The following AREG variants were observed in gnomAD, a reference collection of about 807,000 sequenced individuals.
AREG encodes amphiregulin, also known as amphiregulin B.
Under a neutral mutation model 28.0 loss-of-function variants are expected in AREG, and 16 were observed. The ratio of observed to expected loss-of-function variants is 0.57; its 90% CI spans 0.39 to 0.87. AREG has a LOEUF of 0.87. AREG is among the 40% of genes least tolerant of loss of function. The probability of loss-of-function intolerance (pLI) is 0.00; values close to 1 mark genes in which losing one functional copy is unlikely to be tolerated. For missense variants in AREG, 287 were observed against 309.1 expected, an observed-to-expected ratio of 0.93 and a Z score of 0.53; for synonymous variants, 113 against 113.5, an observed-to-expected ratio of 1.00 and a Z score of 0.02.
rs887536156 is a variant in AREG, at chr4:74,446,605, A to C, written c.133A>C (p.Ser45Arg). The C allele has an allele frequency of 2.5e-6, 4 of 1,613,862 alleles. No individual in the cohort carries two copies. The African/African-American group carries it at 5.3e-5, about 22-fold the overall frequency. The change falls in exon 2 of 6, where the codon AGT becomes CGT. Residue 45 changes from serine to arginine, a missense_variant. Transcript: ENST00000395748. ...GCGTGAACCATTTTCTGGGGACCAC[A>C]GTGCTGATGGATTTGAGGTTACCTC... ...GKREPFSGDH[S>R]ADGFEVTSRS...
At chr4:74,454,701 G>A in intron 5 of AREG, 58 bp from the exon 6 acceptor site, 1 of 636,880 alleles carries the variant, frequency 1.6e-6, no homozygotes, top group African/African-American at 1.8e-5. Context: ...CTGGAATTGA[G>A]CTTATCTGTA....
chr4:74,446,869 ATTTTCTAGTGGCT>A, intron 2 of AREG, 87 bp downstream of exon 2: 2 of 1,603,402 alleles, frequency 1.2e-6, no homozygotes, highest in Non-Finnish European at 1.7e-6. Context: ...TGCTCCCCAG[ATTTTCTAGTGGCT>A]TTATTGTATA....
Position 74,449,182 on chromosome 4 carries a change from A to G in AREG, c.446A>G (p.Glu149Gly). The G allele has an allele frequency of 6.2e-7, 1 of 1,613,290 alleles. No individual in the cohort carries two copies. The highest frequency in any genetic ancestry group is 1.1e-5 in the South Asian group (1 of 90,934). Reference sequence around the variant, plus strand: ...AAGAAGAAAAATCCATGTAATGCAGAATTTCAAAATTTCTGCATTCACGGA... The same window carrying G: ...AAGAAGAAAAATCCATGTAATGCAGGATTTCAAAATTTCTGCATTCACGGA... The part of the protein sequence containing the change: ...NRKKKNPCNA[E>G]FQNFCIHGEC... Residue 149 changes from glutamate (E) to glycine (G), a missense_variant, in exon 3 of 6, where the codon GAA (glutamate) becomes GGA (glycine). By Grantham distance (98) the Glu-to-Gly change is moderately conservative. Transcript: ENST00000395748.
At chr4:74,451,087 A>G (rs1392661843) in intron 4 of AREG, among the ~76,000 whole-genome samples, 2 of 152,250 alleles carry the variant, frequency 1.3e-5, no homozygotes, top group African/African-American at 4.8e-5. Context: ...ACTATCGAAT[A>G]TGAGAACTCA....
chr4:74,447,865 A>T (rs1719318386), intron 2 of AREG, among the ~76,000 whole-genome samples: 1 of 152,182 alleles, frequency 6.6e-6, no homozygotes, highest in South Asian at 2.1e-4. Context: ...GAGGTGGGTA[A>T]GGGGTTCATT....
intron 4 of AREG, 148 bp from the exon 5 acceptor site, chr4:74,452,396 T>C: frequency 9.4e-6 from 8 of 849,916 alleles, no homozygotes; most frequent in Non-Finnish European, 1.5e-5. Flanking sequence ...GGTAATATTT[T>C]ATAGCCAGGT....
chr4:74,445,963 G>A (rs1419481581), intron 1 of AREG, among the ~76,000 whole-genome samples: 1 of 152,082 alleles, frequency 6.6e-6, no homozygotes, highest in East Asian at 1.9e-4. Context: ...TAATAATAAT[G>A]ATAATGAAAA....
At chr4:74,447,767 G>T (rs1719317181) in intron 2 of AREG, among the ~76,000 whole-genome samples, 1 of 152,126 alleles carries the variant, frequency 6.6e-6, no homozygotes, top group African/African-American at 2.4e-5. Context: ...GGTACCAGAG[G>T]GACAGTGACT....
chr4:74,452,523 A>C, intron 4 of AREG, 21 bp from the exon 5 acceptor site: 1 of 1,613,260 alleles, frequency 6.2e-7, no homozygotes, highest in Non-Finnish European at 8.5e-7. Context: ...TGATAACATT[A>C]GAATGCCTTG....
In AREG at chr4:74,446,741, A is replaced by G. The variant is rs1395993833; in HGVS notation, c.269A>G (p.Glu90Gly). ...GACTACTCAGAAGAGTATGATAACGAACCACAAATACCTGGCTATATTGTC... is the reference window on the plus strand; with the variant it reads ...GACTACTCAGAAGAGTATGATAACGGACCACAAATACCTGGCTATATTGTC... ...DYDYSEEYDN[E>G]PQIPGYIVDD... Residue 90 changes from glutamate (E) to glycine (G), a missense_variant, in exon 2 of 6, where the codon GAA becomes GGA. Coordinates refer to ENST00000395748, the MANE Select transcript of AREG (RefSeq NM_001657.4). 1 of 1,613,802 alleles carries G rather than the reference A, an allele frequency of 6.2e-7. No individual in the cohort carries two copies. Among genetic ancestry groups the G allele is most frequent in the Non-Finnish European group, 8.5e-7 (1 of 1,179,860 alleles).
In AREG at chr4:74,449,064, C is replaced by A. The variant is rs987601799; in HGVS notation, c.328C>A (p.Pro110Thr). Residue 110 changes from proline to threonine, a missense_variant, in exon 3 of 6, where the codon CCC becomes ACC. Coordinates refer to ENST00000395748, the MANE Select transcript of AREG (RefSeq NM_001657.4). ...TTTTTTAGTTGAACAGGTAGTTAAG[C>A]CCCCCCAAAACAAGACGGAAAGTGA... ...DSVRVEQVVKPPQNKTESENT... is the reference protein window; with the variant it reads ...DSVRVEQVVKTPQNKTESENT... 9.5e-5 allele frequency: 153 copies of A among 1,608,682 alleles called. No homozygotes were observed. Among genetic ancestry groups the A allele is most frequent in the Non-Finnish European group, 1.3e-4 (149 of 1,179,052 alleles).
At position 74,446,698 on chromosome 4, in the gene AREG, T is replaced by C; in HGVS notation, c.226T>C (p.Ser76Pro). The stretch of plus-strand genomic sequence containing the variant: ...TGAAATGCCTTCTAGTAGTGAACCG[T>C]CCTCGGGAGCCGACTATGACTACTC... ...VSEMPSSSEP[S>P]SGADYDYSEE... Residue 76 changes from serine (S) to proline (P), a missense_variant, in exon 2 of 6, where the codon TCC becomes CCC. Transcript: ENST00000395748. 1 of 1,613,930 alleles carries C rather than the reference T, an allele frequency of 6.2e-7. No individual in the cohort carries two copies.
At chr4:74,445,505 C>T (rs1041965164) in intron 1 of AREG, 99 bp downstream of exon 1, 5 of 1,540,602 alleles carry the variant, frequency 3.2e-6, no homozygotes, top group Admixed American at 2.0e-5. Context: ...CCCTTTAGTT[C>T]CCCCGACCCT....
rs1490904948 is a variant in AREG, at chr4:74,446,680, C to G, written c.208C>G (p.Pro70Ala). 2 of 1,613,890 alleles carry G rather than the reference C, an allele frequency of 1.2e-6. No homozygotes were observed. Residue 70 changes from proline to alanine, a missense_variant, in exon 2 of 6, where the codon CCT becomes GCT. By Grantham distance (27) the Pro-to-Ala change is conservative. Coordinates refer to ENST00000395748, the MANE Select transcript of AREG (RefSeq NM_001657.4). ...GSEISPVSEM[P>A]SSSEPSSGAD... is the part of the protein sequence containing the mutation. ...TGAGATTTCCCCTGTGAGTGAAATG[C>G]CTTCTAGTAGTGAACCGTCCTCGGG... is the stretch of plus-strand genomic sequence containing the variant.
chr4:74,448,158 G>A (rs1428176250), intron 2 of AREG, among the ~76,000 whole-genome samples: 1 of 152,174 alleles, frequency 6.6e-6, no homozygotes, highest in African/African-American at 2.4e-5. Context: ...TAATCTATCT[G>A]ACAAAGTGAA....
intron 1 of AREG, 117 bp from the exon 2 acceptor site, chr4:74,446,417 A>C (rs1578843354): frequency 1.3e-6 from 2 of 1,566,222 alleles, no homozygotes; most frequent in Non-Finnish European, 1.8e-6. Context: ...CACAAACAAT[A>C]GCACATGTGC....
At chr4:74,450,694 G>A (rs947273516) in intron 4 of AREG, among the ~76,000 whole-genome samples, 162 bp downstream of exon 4, 3 of 152,240 alleles carry the variant, frequency 2.0e-5, no homozygotes, top group African/African-American at 7.2e-5. Flanking sequence ...CACAGAAAGT[G>A]GTCAATGTTT....
At chr4:74,452,776 T>A (rs1244779227) in intron 5 of AREG, 121 bp downstream of exon 5, 49 of 812,896 alleles carry the variant, frequency 6.0e-5, no homozygotes, top group South Asian at 5.4e-4. Flanking sequence ...GAACAATGGC[T>A]ATGTTAAAGT....
At position 74,445,377 on chromosome 4, in the gene AREG, T is replaced by C; in HGVS notation, c.32T>C (p.Val11Ala). The C allele has an allele frequency of 6.2e-7, 1 of 1,610,712 alleles. No homozygotes were observed. Among genetic ancestry groups the C allele is most frequent in the Non-Finnish European group, 8.5e-7 (1 of 1,179,326 alleles). The change falls in exon 1 of 6, where the codon GTG becomes GCG. Residue 11 changes from valine (V) to alanine (A), a missense_variant. Transcript: ENST00000395748. MRAPLLPPAP[V>A]VLSLLILGSG... ...GCCCCGCTGCTACCGCCGGCGCCGG[T>C]GGTGCTGTCGCTCTTGATACTCGGC... is the stretch of plus-strand genomic sequence containing the variant.
Sources: allele counts gnomAD v4.1 joint callset (sites outside exome capture counted in the v4.1 genomes callset), GRCh38; gene constraint gnomAD v4.1.1; transcripts MANE v1.5; gene names NCBI Gene and HGNC (gene_info 2026-07-23, HGNC 2026-07-21).